Variants in GATA6 observed in about 807,000 individuals in gnomAD.
GATA6 encodes the protein transcription factor GATA-6.
In GATA6, 11 loss-of-function variants were observed where a neutral mutation model predicts 48.1. That is an observed-to-expected ratio of 0.23 (90% CI 0.14 to 0.38). The LOEUF (loss-of-function observed/expected upper bound fraction) is 0.38, where lower values mean the gene tolerates loss of function less well. Among genes scored for constraint, GATA6 ranks in the 10% least tolerant of loss-of-function variants. The pLI is 1.00. For synonymous variants in GATA6, 419 were observed against 396.1 expected (o/e 1.06, Z -0.69); for missense variants, 795 against 850.3 (o/e 0.93, Z 0.81).
intron 6 of GATA6, among the ~76,000 whole-genome samples, chr18:22,193,193 A>C (rs192889033): frequency 9.6e-4 from 146 of 152,324 alleles, no homozygotes; most frequent in Non-Finnish European, 1.5e-3. Context: ...AAAGGTGTCC[A>C]TGTTCCTTTG....
At chr18:22,174,859 G>A (rs532918941) in intron 2 of GATA6, among the ~76,000 whole-genome samples, 15 of 152,066 alleles carry the variant, frequency 9.9e-5, no homozygotes, top group Admixed American at 2.6e-4. Flanking sequence ...TGCACCTCTC[G>A]CTGACTGGGT....
At position 22,172,106 on chromosome 18, in the gene GATA6, G is replaced by T; in HGVS notation, c.962G>T (p.Gly321Val). The change falls in exon 2 of 7, where the codon GGG (glycine) becomes GTG (valine). Residue 321 changes from glycine (G) to valine (V), a missense_variant. By Grantham distance (109) the Gly-to-Val change is moderately radical (BLOSUM62 -3). This residue lies in a region of GATA6 where 591 missense variants were observed against 570.0 expected (regional missense o/e 1.04). Transcript: ENST00000269216. The surrounding 1 kb of genome is among the most constrained non-coding windows in gnomAD (Gnocchi z 5.2). ...CTGTCGGCCGCGCGGCCGCTGAACGGGACGTACCACCACCACCACCACCAC... is the reference window on the plus strand; with the variant it reads ...CTGTCGGCCGCGCGGCCGCTGAACGTGACGTACCACCACCACCACCACCAC... ...SSLSAARPLN[G>V]TYHHHHHHHH... is the part of the protein sequence containing the mutation. The T allele has an allele frequency of 6.7e-7, 1 of 1,503,402 alleles. No individual in the cohort carries two copies. Among genetic ancestry groups the T allele is most frequent in the Non-Finnish European group, 8.8e-7 (1 of 1,131,774 alleles). 93.1% of individuals were successfully genotyped at this position (1,503,402 alleles called of 1,614,324 possible).
chr18:22,184,820 C>CTTTA (rs1199537378), intron 6 of GATA6, among the ~76,000 whole-genome samples: 2 of 152,024 alleles, frequency 1.3e-5, no homozygotes, highest in African/African-American at 4.8e-5. Flanking sequence ...TTTATTATGC[C>CTTTA]GTAGTCCTCA....
intron 3 of GATA6, chr18:22,179,985 CTG>C (rs1476840665): frequency 3.9e-5 from 6 of 152,328 alleles, no homozygotes; most frequent in African/African-American, 1.4e-4. Flanking sequence ...GTCCTGTAAT[CTG>C]TGAATATTCG....
rs183339922 is a variant in GATA6, at chr18:22,172,828, C to T, written c.1135+549C>T. 6.6e-6 allele frequency among the ~76,000 whole-genome samples: 1 copy of T among 152,304 alleles called. No homozygotes were observed. The highest frequency in any genetic ancestry group is 2.4e-5 in the African/African-American group (1 of 41,566). ...ATTTAGAAGAGCACAACAGAAGAAC[C>T]TAGATGTTCCTAGGGAAGCTAGTTG... On this transcript the variant is annotated intron_variant, in intron 2 of 6. Transcript: ENST00000269216. The surrounding 1 kb of genome is among the most constrained non-coding windows in gnomAD (Gnocchi z 5.2).
chr18:22,187,216 C>T (rs2033273702), intron 6 of GATA6, among the ~76,000 whole-genome samples: 1 of 152,148 alleles, frequency 6.6e-6, no homozygotes, highest in African/African-American at 2.4e-5. Flanking sequence ...TGCGGTGGCT[C>T]ACCCCTTTAA....
chr18:22,182,245 C>G (rs1374002959), intron 4 of GATA6, among the ~76,000 whole-genome samples: 1 of 152,086 alleles, frequency 6.6e-6, no homozygotes, highest in Non-Finnish European at 1.5e-5. Flanking sequence ...CAAATCATCT[C>G]ATTCTTTCTG....
At chr18:22,198,966 T>C (rs7240020) in intron 6 of GATA6, among the ~76,000 whole-genome samples, 58,284 of 152,052 alleles carry the variant, frequency 0.38, 11,196 homozygotes, top group African/African-American at 0.41. Context: ...GTGTTGTTGC[T>C]GGATTTTCAT....
chr18:22,181,973 C>T (rs753293080), intron 4 of GATA6, among the ~76,000 whole-genome samples: 23 of 152,082 alleles, frequency 1.5e-4, no homozygotes, highest in Admixed American at 3.3e-4. Context: ...AATCACTAGT[C>T]TATATCTCTT....
chr18:22,184,292 CA>C (rs1472084742), intron 6 of GATA6, among the ~76,000 whole-genome samples: 3 of 151,420 alleles, frequency 2.0e-5, no homozygotes, highest in Non-Finnish European at 2.9e-5. Flanking sequence ...TGTAAGGAAA[CA>C]AAACGTCTTT....
rs113511738 is a variant in GATA6, at chr18:22,201,998, C to T, written c.*1175C>T. On this transcript the variant is annotated 3_prime_UTR_variant, in exon 7 of 7. Coordinates refer to ENST00000269216, the MANE Select transcript of GATA6 (RefSeq NM_005257.6). ...GTCTTCTGTACAGTGAGTTCCTTCC[C>T]TTTTCAAAGCTTTCTTTTTATGCTG... The T allele has an allele frequency of 2.6e-5, 4 of 152,120 alleles. No homozygotes were observed. Among genetic ancestry groups the T allele is most frequent in the African/African-American group, 9.7e-5 (4 of 41,422 alleles). 9.4% of individuals were successfully genotyped at this position (152,120 alleles called of 1,614,324 possible).
At chr18:22,186,415 GT>G (rs893191490) in intron 6 of GATA6, among the ~76,000 whole-genome samples, 1 of 151,886 alleles carries the variant, frequency 6.6e-6, no homozygotes, top group Non-Finnish European at 1.5e-5. Flanking sequence ...GAAACATGCT[GT>G]TTACTTTAAT....
intron 6 of GATA6, among the ~76,000 whole-genome samples, chr18:22,189,995 G>A (rs571669924): frequency 4.6e-5 from 7 of 152,296 alleles, no homozygotes; most frequent in African/African-American, 1.2e-4. Flanking sequence ...GGTCAGTGTT[G>A]TTGCCACTAC....
chr18:22,171,571 C>A lies in GATA6; in HGVS notation c.427C>A (p.Gln143Lys). 1.2e-6 allele frequency: 2 copies of A among 1,603,014 alleles called. No individual in the cohort carries two copies. The highest frequency in any genetic ancestry group is 1.1e-5 in the South Asian group (1 of 91,034). Residue 143 changes from glutamine to lysine, a missense_variant, in exon 2 of 7, where the codon CAG becomes AAG. Coordinates refer to ENST00000269216, the MANE Select transcript of GATA6 (RefSeq NM_005257.6). The surrounding 1 kb of genome is among the most constrained non-coding windows in gnomAD (Gnocchi z 7.1). The part of the protein sequence containing the change: ...GAKLSPFAPE[Q>K]PEEMYQTLAA... The stretch of plus-strand genomic sequence containing the variant: ...CAAGCTGAGCCCCTTCGCACCCGAG[C>A]AGCCGGAGGAGATGTACCAGACCCT...
At chr18:22,177,303 C>A (rs149470095) in intron 3 of GATA6, among the ~76,000 whole-genome samples, 182 bp downstream of exon 3, 17 of 152,274 alleles carry the variant, frequency 1.1e-4, no homozygotes, top group African/African-American at 3.6e-4. Context: ...CCAACGCCCA[C>A]CCGCTGGCGC....
rs1022179266 is a variant in GATA6, at chr18:22,201,478, T to C, written c.*655T>C. On this transcript the variant is annotated 3_prime_UTR_variant, in exon 7 of 7. Coordinates refer to ENST00000269216, the MANE Select transcript of GATA6 (RefSeq NM_005257.6). ...TGTATACAATAATTTTTTTAAAAAG[T>C]GCAATTTGCGTTGCAGCAATCAGTG... The C allele has an allele frequency of 6.5e-6, 1 of 152,810 alleles. No individual in the cohort carries two copies. The highest frequency in any genetic ancestry group is 1.5e-5 in the Non-Finnish European group (1 of 68,166). 9.5% of individuals were successfully genotyped at this position (152,810 alleles called of 1,614,324 possible).
At chr18:22,196,357 T>C (rs1370119872) in intron 6 of GATA6, among the ~76,000 whole-genome samples, 3 of 152,232 alleles carry the variant, frequency 2.0e-5, no homozygotes. Flanking sequence ...AAAGACAGGT[T>C]ATTTTCGCCA....
chr18:22,171,549 G>T lies in GATA6; in HGVS notation c.405G>T (p.Lys135Asn). 1.2e-6 allele frequency: 2 copies of T among 1,602,366 alleles called. No homozygotes were observed. The highest frequency in any genetic ancestry group is 2.7e-5 in the African/African-American group (2 of 74,372). ...SKLLWSSRGA[K>N]LSPFAPEQPE... ...TGCTGTGGTCCAGCCGCGGCGCCAA[G>T]CTGAGCCCCTTCGCACCCGAGCAGC... is the stretch of plus-strand genomic sequence containing the variant. Residue 135 changes from lysine (K) to asparagine (N), a missense_variant, in exon 2 of 7, where the codon AAG (lysine) becomes AAT (asparagine). This residue lies in a region of GATA6 where 591 missense variants were observed against 570.0 expected (regional missense o/e 1.04). Coordinates refer to ENST00000269216, the MANE Select transcript of GATA6 (RefSeq NM_005257.6). This position sits in a 1 kb window ranked among gnomAD's most constrained non-coding sequence, Gnocchi z 7.1.
intron 6 of GATA6, among the ~76,000 whole-genome samples, chr18:22,190,580 C>T: frequency 6.6e-6 from 1 of 151,898 alleles, no homozygotes; most frequent in Admixed American, 6.6e-5. Context: ...CATTAATCTC[C>T]CAAAGGGTCT....
Sources: allele counts gnomAD v4.1 joint callset (sites outside exome capture counted in the v4.1 genomes callset), GRCh38; gene constraint gnomAD v4.1.1; regional missense constraint gnomAD v4.1.1; non-coding constraint Gnocchi (gnomAD v3.1); transcripts MANE v1.5; gene names NCBI Gene and HGNC (gene_info 2026-07-23, HGNC 2026-07-21).